The following UTP20 variants were observed in gnomAD, a reference collection of about 807,000 sequenced individuals.
UTP20 encodes small subunit processome component 20 homolog.
Under a neutral mutation model 329.5 loss-of-function variants are expected in UTP20, and 164 were observed. The observed-to-expected ratio is 0.50, with a 90% CI of 0.44 to 0.57. The LOEUF is 0.57. Ranked by LOEUF, UTP20 falls within the 20% of genes least tolerant of loss-of-function variation. The pLI is 0.00. For missense variants in UTP20, 3,055 were observed against 3,284.2 expected, an observed-to-expected ratio of 0.93 and a Z score of 1.71; for synonymous variants, 1,151 against 1,159.3, an observed-to-expected ratio of 0.99 and a Z score of 0.14.
intron 57 of UTP20, among the ~76,000 whole-genome samples, chr12:101,380,863 TA>T (rs35235306): frequency 0.23 from 26,315 of 115,078 alleles, 2,874 homozygotes; most frequent in East Asian, 0.34. Context: ...GACTCTGTCT[TA>T]AAAAAAAAAA....
chr12:101,348,837 A>T (rs1276357935), intron 38 of UTP20, among the ~76,000 whole-genome samples: 1 of 150,508 alleles, frequency 6.6e-6, no homozygotes, highest in African/African-American at 2.4e-5. Flanking sequence ...CCAGCCTCCA[A>T]AGTACTGAGA....
chr12:101,352,313 G>C, intron 39 of UTP20, 119 bp downstream of exon 39: 1 of 1,139,576 alleles, frequency 8.8e-7, no homozygotes, highest in East Asian at 2.5e-5. Flanking sequence ...TGGACATTTG[G>C]GTTGGTTCCA....
chr12:101,281,888 A>G (rs1362389833), intron 2 of UTP20, among the ~76,000 whole-genome samples: 1 of 152,032 alleles, frequency 6.6e-6, no homozygotes, highest in Non-Finnish European at 1.5e-5. Context: ...CATTTTTAGT[A>G]GAGACGGGGT....
At position 101,291,863 on chromosome 12, in the gene UTP20, T is replaced by C. The variant is rs769184944; in HGVS notation, c.1013T>C (p.Ile338Thr). ...GTAAAACATGGAAGTGGGACAAAGATACCCACGCCTGCTGATGTCTGTAAG... is the reference window on the plus strand; with the variant it reads ...GTAAAACATGGAAGTGGGACAAAGACACCCACGCCTGCTGATGTCTGTAAG... ...ILVKHGSGTK[I>T]PTPADVCKVL... The change falls in exon 9 of 62, where the codon ATA (isoleucine) becomes ACA (threonine). Residue 338 changes from isoleucine to threonine, a missense_variant. Transcript: ENST00000261637. 2.5e-6 allele frequency: 4 copies of C among 1,613,318 alleles called. No individual in the cohort carries two copies. The Admixed American group carries it at 6.7e-5, about 27-fold the overall frequency.
At chr12:101,383,334 G>C in intron 59 of UTP20, 21 bp downstream of exon 59, 1 of 1,600,350 alleles carries the variant, frequency 6.2e-7, no homozygotes, top group Non-Finnish European at 8.5e-7. Context: ...TGCACAGAAT[G>C]ACTGACAGTA....
intron 23 of UTP20, among the ~76,000 whole-genome samples, chr12:101,320,426 G>T (rs1873111955): frequency 6.6e-6 from 1 of 152,016 alleles, no homozygotes; most frequent in Non-Finnish European, 1.5e-5. Context: ...TGTGGTGGTG[G>T]GTGCCTGTGG....
intron 32 of UTP20, among the ~76,000 whole-genome samples, chr12:101,341,229 C>T (rs1045389878): frequency 3.9e-5 from 6 of 152,058 alleles, no homozygotes; most frequent in Non-Finnish European, 7.4e-5. Flanking sequence ...CTGCCCGCCT[C>T]GGCCTCCCAA....
In UTP20 at chr12:101,308,318, C is replaced by G; in HGVS notation, c.2129C>G (p.Ala710Gly). The G allele has an allele frequency of 6.4e-7, 1 of 1,573,748 alleles. No individual in the cohort carries two copies. Among genetic ancestry groups the G allele is most frequent in the South Asian group, 1.2e-5 (1 of 83,468 alleles). Residue 710 changes from alanine to glycine, a missense_variant, in exon 18 of 62, where the codon GCT (alanine) becomes GGT (glycine). Physicochemically the swap from Ala to Gly is moderately conservative, Grantham distance 60 (BLOSUM62 0). Around this residue, in one of 3 missense-constraint regions of UTP20, gnomAD observed 2,445 missense variants for 2,575.5 expected, o/e 0.95. Transcript: ENST00000261637. ...RKLRHDVVQT[A>G]VPDGPLQEVP... ...CTAAGACATGATGTGGTACAGACTG[C>G]TGTCCCTGATGGGCCGTTACAGGAG...
chr12:101,284,188 C>A (rs1381505780), intron 2 of UTP20, among the ~76,000 whole-genome samples: 4 of 152,072 alleles, frequency 2.6e-5, no homozygotes, highest in Non-Finnish European at 5.9e-5. Context: ...TGGATCCTGT[C>A]ACCCAGGTAG....
At chr12:101,334,391 T>C in intron 28 of UTP20, 34 bp from the exon 29 acceptor site, 2 of 1,572,676 alleles carry the variant, frequency 1.3e-6, no homozygotes, top group Non-Finnish European at 1.7e-6. Context: ...TTGGTATATG[T>C]ATTTGGTATT....
chr12:101,315,286 T>C (rs1274416720), intron 21 of UTP20, among the ~76,000 whole-genome samples: 3 of 151,832 alleles, frequency 2.0e-5, no homozygotes, highest in Non-Finnish European at 4.4e-5. Context: ...GGTTTCAAGA[T>C]CAGCCTGGCC....
At position 101,386,256 on chromosome 12, in the gene UTP20, G is replaced by A. The variant is rs1193311002; in HGVS notation, c.*133G>A. ...ACAAGGTCTCACTCTGTCACCCAAG[G>A]TGGAGTGCAGTGACGACATCACAGC... On this transcript the variant is annotated 3_prime_UTR_variant, in exon 62 of 62. Transcript: ENST00000261637. The A allele has an allele frequency of 7.6e-6, 6 of 791,222 alleles. No homozygotes were observed. Among genetic ancestry groups the A allele is most frequent in the Non-Finnish European group, 9.9e-6 (5 of 504,188 alleles). 49.0% of individuals were successfully genotyped at this position (791,222 alleles called of 1,614,324 possible).
At chr12:101,295,330 G>T in intron 11 of UTP20, 150 bp from the exon 12 acceptor site, 1 of 671,752 alleles carries the variant, frequency 1.5e-6, no homozygotes, top group Non-Finnish European at 2.4e-6. Context: ...AGACATGGCT[G>T]CACAGTCTTT....
At chr12:101,384,689 C>A (rs1025999658) in intron 60 of UTP20, among the ~76,000 whole-genome samples, 2 of 152,088 alleles carry the variant, frequency 1.3e-5, no homozygotes, top group East Asian at 3.8e-4. Flanking sequence ...AAAGAGGGAA[C>A]TGGGGGCAGG....
intron 12 of UTP20, among the ~76,000 whole-genome samples, chr12:101,296,692 G>A (rs540975490): frequency 6.6e-6 from 1 of 152,086 alleles, no homozygotes; most frequent in African/African-American, 2.4e-5. Flanking sequence ...AGGTTGCAGT[G>A]AGCCGAAATC....
chr12:101,322,522 T>G (rs1868397907), intron 25 of UTP20, among the ~76,000 whole-genome samples: 1 of 152,164 alleles, frequency 6.6e-6, no homozygotes, highest in Non-Finnish European at 1.5e-5. Flanking sequence ...AAATGAAGCT[T>G]AAATCTTTCA....
chr12:101,281,066 T>C (rs1871780940), intron 1 of UTP20, 50 bp from the exon 2 acceptor site: 5 of 1,452,578 alleles, frequency 3.4e-6, no homozygotes, highest in Middle Eastern at 2.4e-4. Context: ...ATATTAAAGA[T>C]CTGATAAATT....
Position 101,290,718 on chromosome 12 carries a change from C to G in UTP20, c.736-15C>G. The G allele has an allele frequency of 1.9e-6, 3 of 1,598,208 alleles. No individual in the cohort carries two copies. The highest frequency in any genetic ancestry group is 2.6e-6 in the Non-Finnish European group (3 of 1,175,194). On this transcript the variant is annotated splice_polypyrimidine_tract_variant and intron_variant, in intron 7 of 61. Coordinates refer to ENST00000261637, the MANE Select transcript of UTP20 (RefSeq NM_014503.3). Reference sequence around the variant, plus strand: ...AGAGTTTATATATTAATGTTAATGACTTGTATTCCCACAGGCAGTGAAGCT... The same window carrying G: ...AGAGTTTATATATTAATGTTAATGAGTTGTATTCCCACAGGCAGTGAAGCT...
intron 25 of UTP20, among the ~76,000 whole-genome samples, chr12:101,324,160 TA>T (rs1018133326): frequency 3.0e-4 from 45 of 147,888 alleles, no homozygotes; most frequent in Middle Eastern, 7.0e-3. Flanking sequence ...AATAAATAAA[TA>T]AATAATAATA....
Sources: allele counts gnomAD v4.1 joint callset (sites outside exome capture counted in the v4.1 genomes callset), GRCh38; gene constraint gnomAD v4.1.1; regional missense constraint gnomAD v4.1.1; transcripts MANE v1.5; gene names NCBI Gene and HGNC (gene_info 2026-07-23, HGNC 2026-07-21).